Variants in MANEAL observed in about 807,000 individuals in gnomAD.
MANEAL encodes glycoprotein endo-alpha-1,2-mannosidase-like protein.
A neutral mutation model predicts 35.9 loss-of-function variants in MANEAL; 28 were observed. The ratio of observed to expected loss-of-function variants is 0.78; its 90% CI spans 0.58 to 1.07. The LOEUF (loss-of-function observed/expected upper bound fraction) is 1.07, where lower values mean the gene tolerates loss of function less well. MANEAL is among the 50% of genes least tolerant of loss of function. MANEAL has a pLI of 0.00. For missense variants in MANEAL, 576 were observed against 629.6 expected (o/e 0.91, Z 0.91); for synonymous variants, 286 against 272.2 (o/e 1.05, Z -0.50).
At chr1:37,798,718 G>GT (rs1247997803) in intron 3 of MANEAL, among the ~76,000 whole-genome samples, 1 of 151,402 alleles carries the variant, frequency 6.6e-6, no homozygotes, top group African/African-American at 2.4e-5. Context: ...GGGCGATACA[G>GT]TGAGACTTAA....
intron 3 of MANEAL, among the ~76,000 whole-genome samples, chr1:37,797,216 C>T (rs545950097): frequency 2.6e-5 from 4 of 152,084 alleles, no homozygotes; most frequent in African/African-American, 7.2e-5. Flanking sequence ...GCCTGACTAA[C>T]GTGGTGAAAC....
intron 1 of MANEAL, among the ~76,000 whole-genome samples, chr1:37,795,061 C>T (rs72661832): frequency 0.23 from 35,049 of 152,060 alleles, 4,774 homozygotes; most frequent in Non-Finnish European, 0.29. Flanking sequence ...AGTCCTGGCC[C>T]GCAGGTTCTG....
rs540515699 is a variant in MANEAL at position 37,800,287 on chromosome 1, C to T, written c.*84C>T. 9.2e-6 allele frequency: 14 copies of T among 1,513,814 alleles called. No homozygotes were observed. In the East Asian group the frequency reaches 3.0e-4, roughly 32 times the overall value. 93.8% of individuals were successfully genotyped at this position (1,513,814 alleles called of 1,614,324 possible). Reference sequence around the variant, plus strand: ...TGTGGGGTTCAGCTGAGGTTGTAGCCACTCACTCGTTCCCAGGTCAGAGGT... The same window carrying T: ...TGTGGGGTTCAGCTGAGGTTGTAGCTACTCACTCGTTCCCAGGTCAGAGGT... On this transcript the variant is annotated 3_prime_UTR_variant, in exon 4 of 4. Transcript: ENST00000373045.
chr1:37,798,168 AAAAG>A (rs1317033762), intron 3 of MANEAL, among the ~76,000 whole-genome samples: 5 of 152,102 alleles, frequency 3.3e-5, no homozygotes, highest in Non-Finnish European at 7.3e-5. Flanking sequence ...CAAACAAAAA[AAAAG>A]AGAGTATTGA....
In MANEAL at chr1:37,800,169, ACTT is replaced by A; in HGVS notation, c.1342_1344del (p.Phe448del). ...GAGCTGACACGCCGCTGGGCGGAGCACTTCATCAAAGAGAAGGAGCAGTGGCTC... is the reference window on the plus strand; with the variant it reads ...GAGCTGACACGCCGCTGGGCGGAGCACATCAAAGAGAAGGAGCAGTGGCTC... On this transcript the variant is annotated inframe_deletion, in exon 4 of 4. Transcript: ENST00000373045. The A allele has an allele frequency of 6.2e-7, 1 of 1,613,772 alleles. No individual in the cohort carries two copies. The highest frequency in any genetic ancestry group is 8.5e-7 in the Non-Finnish European group (1 of 1,180,006).
intron 3 of MANEAL, 39 bp downstream of exon 3, chr1:37,796,859 A>C: frequency 6.4e-7 from 1 of 1,568,630 alleles, no homozygotes; most frequent in Non-Finnish European, 8.7e-7. Context: ...GGTGGGGATC[A>C]AAATGGAGGT....
rs1646688133 is a variant in MANEAL at position 37,800,350 on chromosome 1, G to T, written c.*147G>T. Reference sequence around the variant, plus strand: ...GTTTCTGGGTGGGCCGTCAGGCATGGGCCTGTGCAACACAGAGCCCGTTCC... The same window carrying T: ...GTTTCTGGGTGGGCCGTCAGGCATGTGCCTGTGCAACACAGAGCCCGTTCC... On this transcript the variant is annotated 3_prime_UTR_variant, in exon 4 of 4. Transcript: ENST00000373045. The T allele has an allele frequency of 1.1e-6, 1 of 943,400 alleles. No homozygotes were observed. The highest frequency in any genetic ancestry group is 1.6e-6 in the Non-Finnish European group (1 of 638,364). 58.4% of individuals were successfully genotyped at this position (943,400 alleles called of 1,614,324 possible). A position where few individuals can be genotyped will look rare whatever the true frequency, so the allele number is the denominator to read the frequency against.
rs1335804512 is a variant in MANEAL, at chr1:37,799,761, C to T, written c.932C>T (p.Thr311Ile). The change falls in exon 4 of 4, where the codon ACC becomes ATC. Residue 311 changes from threonine (T) to isoleucine (I), a missense_variant. By Grantham distance (89) the Thr-to-Ile change is moderately conservative. Coordinates refer to ENST00000373045, the MANE Select transcript of MANEAL (RefSeq NM_001113482.2). This position sits in a 1 kb window ranked among gnomAD's most constrained non-coding sequence, Gnocchi z 4.1. ...FIALLVEEGH[T>I]HDILAAGFDG... ...GCGCTGCTGGTGGAGGAGGGCCACACCCACGATATCCTGGCCGCCGGATTT... is the reference window on the plus strand; with the variant it reads ...GCGCTGCTGGTGGAGGAGGGCCACATCCACGATATCCTGGCCGCCGGATTT... 1.2e-6 allele frequency: 2 copies of T among 1,614,180 alleles called. No homozygotes were observed. Among genetic ancestry groups the T allele is most frequent in the African/African-American group, 1.3e-5 (1 of 75,034 alleles).
chr1:37,799,945 C>A lies in MANEAL; in HGVS notation c.1116C>A (p.Asn372Lys). The A allele has an allele frequency of 6.2e-7, 1 of 1,614,246 alleles. No individual in the cohort carries two copies. The highest frequency in any genetic ancestry group is 1.6e-4 in the Middle Eastern group (1 of 6,062). Residue 372 changes from asparagine (N) to lysine (K), a missense_variant, in exon 4 of 4, where the codon AAC becomes AAA. Around this residue, in one of 3 missense-constraint regions of MANEAL, gnomAD observed 449 missense variants for 516.1 expected, o/e 0.87. Transcript: ENST00000373045. This position sits in a 1 kb window ranked among gnomAD's most constrained non-coding sequence, Gnocchi z 4.1. ...YIDTSIRPWN[N>K]HNTRNRVNGK... ...ACACCAGCATTCGGCCCTGGAACAA[C>A]CACAATACGCGCAACAGGGTCAATG... is the stretch of plus-strand genomic sequence containing the variant.
In MANEAL at chr1:37,800,213, A is replaced by C. The variant is rs761878098; in HGVS notation, c.*10A>C. On this transcript the variant is annotated 3_prime_UTR_variant, in exon 4 of 4. Coordinates refer to ENST00000373045, the MANE Select transcript of MANEAL (RefSeq NM_001113482.2). Reference sequence around the variant, plus strand: ...GCAGTGGCTCATGTGAGGGGCCTGTAAATGGGCGTGAGGTGCTGATGTCCT... The same window carrying C: ...GCAGTGGCTCATGTGAGGGGCCTGTCAATGGGCGTGAGGTGCTGATGTCCT... The C allele has an allele frequency of 5.0e-6, 8 of 1,610,344 alleles. No individual in the cohort carries two copies. The highest frequency in any genetic ancestry group is 5.1e-6 in the Non-Finnish European group (6 of 1,179,326).
Position 37,794,668 on chromosome 1 carries a change from C to T in MANEAL, c.486C>T (p.Pro162=). The T allele has an allele frequency of 6.2e-7, 1 of 1,609,876 alleles. No homozygotes were observed. Among genetic ancestry groups the T allele is most frequent in the Non-Finnish European group, 8.5e-7 (1 of 1,178,816 alleles). ...LGSSFYPELG[P]YSSRDPEVLR... Reference sequence around the variant, plus strand: ...CCAGCTTCTACCCGGAGCTGGGGCCCTACAGCTCCCGGGACCCCGAAGTGC... The same window carrying T: ...CCAGCTTCTACCCGGAGCTGGGGCCTTACAGCTCCCGGGACCCCGAAGTGC... The change falls in exon 1 of 4, where the codon CCC becomes CCT. Residue 162 remains proline, a synonymous_variant. Transcript: ENST00000373045. This position sits in a 1 kb window ranked among gnomAD's most constrained non-coding sequence, Gnocchi z 5.7.
Position 37,794,724 on chromosome 1 carries a change from C to A in MANEAL, c.542C>A (p.Ala181Asp). The change falls in exon 1 of 4, where the codon GCC (alanine) becomes GAC (aspartate). Residue 181 changes from alanine to aspartate, a missense_variant. Transcript: ENST00000373045. This position sits in a 1 kb window ranked among gnomAD's most constrained non-coding sequence, Gnocchi z 5.7. Reference protein sequence around the residue: ...LREHMTQLKEAAIGVLVLSWY... With the variant: ...LREHMTQLKEDAIGVLVLSWY... ...GAGCATATGACCCAGCTCAAGGAAG[C>A]CGCCATCGGTGAGCGCCCCCCACCC... is the stretch of plus-strand genomic sequence containing the variant. The A allele has an allele frequency of 6.4e-7, 1 of 1,565,910 alleles. No individual in the cohort carries two copies. Among genetic ancestry groups the A allele is most frequent in the Non-Finnish European group, 8.7e-7 (1 of 1,156,002 alleles).
At position 37,800,810 on chromosome 1, in the gene MANEAL, A is replaced by T. The variant is rs922644237; in HGVS notation, c.*607A>T. ...TCCTATGTGCTAGGTGCTGGGGAAA[A>T]CTTGACCAAGGAAGAGTTCCTGTCC... On this transcript the variant is annotated 3_prime_UTR_variant, in exon 4 of 4. Coordinates refer to ENST00000373045, the MANE Select transcript of MANEAL (RefSeq NM_001113482.2). 1.0e-4 allele frequency: 16 copies of T among 152,908 alleles called. No individual in the cohort carries two copies. The highest frequency in any genetic ancestry group is 3.9e-4 in the African/African-American group (16 of 41,426). The allele number at this position is 152,908 out of a possible 1,614,324, so 9.5% of individuals were successfully genotyped here. A position where few individuals can be genotyped will look rare whatever the true frequency, so the allele number is the denominator to read the frequency against.
Position 37,794,424 on chromosome 1 carries a change from G to A in MANEAL, c.242G>A (p.Gly81Asp). ...CCGCCGCCCCGCACCGCGGACCCTG[G>A]CGGCTCCCCTGGGCCGGCACCCGCG... Reference protein sequence around the residue: ...PPPPPRTADPGGSPGPAPAEA... With the variant: ...PPPPPRTADPDGSPGPAPAEA... The change falls in exon 1 of 4, where the codon GGC (glycine) becomes GAC (aspartate). Residue 81 changes from glycine (G) to aspartate (D), a missense_variant. Coordinates refer to ENST00000373045, the MANE Select transcript of MANEAL (RefSeq NM_001113482.2). The surrounding 1 kb of genome is among the most constrained non-coding windows in gnomAD (Gnocchi z 5.7). 7.2e-7 allele frequency: 1 copy of A among 1,389,190 alleles called. No individual in the cohort carries two copies. Among genetic ancestry groups the A allele is most frequent in the Non-Finnish European group, 9.5e-7 (1 of 1,057,510 alleles). 86.1% of individuals were successfully genotyped at this position (1,389,190 alleles called of 1,614,324 possible).
At chr1:37,798,624 T>C (rs1251616549) in intron 3 of MANEAL, among the ~76,000 whole-genome samples, 5 of 151,984 alleles carry the variant, frequency 3.3e-5, no homozygotes, top group Non-Finnish European at 7.4e-5. Flanking sequence ...TCCCAGCTAT[T>C]TGGGGGGCTG....
At chr1:37,795,949 C>A in intron 2 of MANEAL, 103 bp downstream of exon 2, 1 of 948,998 alleles carries the variant, frequency 1.1e-6, no homozygotes, top group Non-Finnish European at 1.6e-6. Context: ...TGGCAGTAGC[C>A]CAAAGGGATA....
Position 37,800,636 on chromosome 1 carries a change from T to G in MANEAL, c.*433T>G. ...CCTCAGGCCTCCTTCCCACATCATCTGTCTTCTCTAAGTTAGGGAACCATA... is the reference window on the plus strand; with the variant it reads ...CCTCAGGCCTCCTTCCCACATCATCGGTCTTCTCTAAGTTAGGGAACCATA... On this transcript the variant is annotated 3_prime_UTR_variant, in exon 4 of 4. Coordinates refer to ENST00000373045, the MANE Select transcript of MANEAL (RefSeq NM_001113482.2). 5.5e-6 allele frequency: 1 copy of G among 182,850 alleles called. No homozygotes were observed. 11.3% of individuals were successfully genotyped at this position (182,850 alleles called of 1,614,324 possible). A position where few individuals can be genotyped will look rare whatever the true frequency, so the allele number is the denominator to read the frequency against.
intron 3 of MANEAL, 31 bp downstream of exon 3, chr1:37,796,851 T>C (rs1377170395): frequency 1.3e-6 from 2 of 1,587,726 alleles, no homozygotes; most frequent in Non-Finnish European, 8.6e-7. Context: ...GGGATTTTGG[T>C]GGGGATCAAA....
rs1646629939 is a variant in MANEAL at position 37,794,740 on chromosome 1, C to T, written c.550+8C>T. 2 of 1,539,220 alleles carry T rather than the reference C, an allele frequency of 1.3e-6. No individual in the cohort carries two copies. The highest frequency in any genetic ancestry group is 2.4e-5 in the South Asian group (2 of 82,454). ...TCAAGGAAGCCGCCATCGGTGAGCG[C>T]CCCCCACCCCGGGCGGCCCTGCCCC... On this transcript the variant is annotated splice_region_variant and intron_variant, in intron 1 of 3. Coordinates refer to ENST00000373045, the MANE Select transcript of MANEAL (RefSeq NM_001113482.2). The surrounding 1 kb of genome is among the most constrained non-coding windows in gnomAD (Gnocchi z 5.7).
Sources: allele counts gnomAD v4.1 joint callset (sites outside exome capture counted in the v4.1 genomes callset), GRCh38; gene constraint gnomAD v4.1.1; regional missense constraint gnomAD v4.1.1; non-coding constraint Gnocchi (gnomAD v3.1); transcripts MANE v1.5; gene names NCBI Gene and HGNC (gene_info 2026-07-23, HGNC 2026-07-21).